Variants in TCERG1L observed in about 807,000 individuals in gnomAD.
TCERG1L encodes the protein transcription elongation regulator 1-like protein.
TCERG1L carries 37 observed loss-of-function variants against 56.3 expected under a neutral mutation model. That is an observed-to-expected ratio of 0.66 (90% CI 0.51 to 0.87). The LOEUF (loss-of-function observed/expected upper bound fraction) is 0.87, where lower values mean the gene tolerates loss of function less well. Among genes scored for constraint, TCERG1L ranks in the 40% least tolerant of loss-of-function variants. TCERG1L has a pLI of 0.00. For missense variants in TCERG1L, 799 were observed against 774.2 expected (o/e 1.03, Z -0.38); for synonymous variants, 324 against 326.3 (o/e 0.99, Z 0.08).
rs2133573343 is a variant in TCERG1L, at chr10:131,291,236, G to A, written c.670+16975C>T. On this transcript the variant is annotated intron_variant, in intron 3 of 11. Coordinates refer to ENST00000368642, the MANE Select transcript of TCERG1L (RefSeq NM_174937.4). ...TAAAATTCATTACATTGACCTATGT[G>A]TAGATTACTATGTCAGTACCACATA... Among the ~76,000 whole-genome samples the A allele has an allele frequency of 1.3e-5, 2 of 151,824 alleles. 1 individual carries two copies. Among genetic ancestry groups the A allele is most frequent in the South Asian group, 4.2e-4 (2 of 4,800 alleles).
chr10:131,225,813 G>A (rs75582870), intron 4 of TCERG1L, among the ~76,000 whole-genome samples: 2 of 152,110 alleles, frequency 1.3e-5, no homozygotes, highest in South Asian at 2.1e-4. Context: ...ATTGGCCTCA[G>A]AAATGCAGTT....
At chr10:131,213,400 TG>T (rs1845636647) in intron 4 of TCERG1L, among the ~76,000 whole-genome samples, 1 of 152,222 alleles carries the variant, frequency 6.6e-6, no homozygotes, top group Non-Finnish European at 1.5e-5. Flanking sequence ...TAAGACTTCA[TG>T]TTATAAAATT....
chr10:131,157,933 T>C (rs1211912743), intron 6 of TCERG1L, among the ~76,000 whole-genome samples: 1 of 152,264 alleles, frequency 6.6e-6, no homozygotes, highest in African/African-American at 2.4e-5. Flanking sequence ...TTTCAATGGT[T>C]ACACTGGCCC....
chr10:131,246,969 T>C (rs1211265977), intron 4 of TCERG1L, among the ~76,000 whole-genome samples: 1 of 151,502 alleles, frequency 6.6e-6, no homozygotes, highest in Non-Finnish European at 1.5e-5. Flanking sequence ...GTGAGATGTG[T>C]AGGGAGGGGA....
At chr10:131,242,006 A>C (rs1346834919) in intron 4 of TCERG1L, among the ~76,000 whole-genome samples, 1 of 152,224 alleles carries the variant, frequency 6.6e-6, no homozygotes, top group Non-Finnish European at 1.5e-5. Flanking sequence ...GAGGGAAAAC[A>C]ATTCAAAGTA....
At chr10:131,259,419 C>T (rs556489115) in intron 4 of TCERG1L, among the ~76,000 whole-genome samples, 2 of 152,148 alleles carry the variant, frequency 1.3e-5, no homozygotes, top group South Asian at 4.2e-4. Context: ...AGAGTAAATC[C>T]TCAGTTCCTG....
At chr10:131,126,135 C>T (rs575118341) in intron 8 of TCERG1L, among the ~76,000 whole-genome samples, 5 of 152,238 alleles carry the variant, frequency 3.3e-5, no homozygotes, top group South Asian at 2.1e-4. Context: ...TCACCTCTTC[C>T]GGGAATCACA....
At chr10:131,237,746 A>G (rs1370406332) in intron 4 of TCERG1L, among the ~76,000 whole-genome samples, 1 of 152,056 alleles carries the variant, frequency 6.6e-6, no homozygotes, top group African/African-American at 2.4e-5. Context: ...GAAAATGTCA[A>G]CTCCATGGTT....
chr10:131,196,469 C>A (rs999877265), intron 4 of TCERG1L, among the ~76,000 whole-genome samples: 9 of 152,256 alleles, frequency 5.9e-5, no homozygotes, highest in Admixed American at 5.9e-4. Flanking sequence ...CTGACACTCA[C>A]AGCCAAGGCC....
At chr10:131,252,258 G>T (rs1413578652) in intron 4 of TCERG1L, among the ~76,000 whole-genome samples, 1 of 152,308 alleles carries the variant, frequency 6.6e-6, no homozygotes, top group South Asian at 2.1e-4. Context: ...TGATTTCAAT[G>T]GGTGAGTCAC....
At chr10:131,281,966 C>T (rs1466618031) in intron 3 of TCERG1L, among the ~76,000 whole-genome samples, 3 of 151,994 alleles carry the variant, frequency 2.0e-5, no homozygotes, top group Non-Finnish European at 4.4e-5. Flanking sequence ...GAAACCCCAT[C>T]TCTACTAAAA....
intron 5 of TCERG1L, 108 bp from the exon 6 acceptor site, chr10:131,163,318 T>C (rs781103647): frequency 2.1e-4 from 183 of 883,062 alleles, no homozygotes; most frequent in Non-Finnish European, 2.6e-4. Flanking sequence ...AGGCAGCTTA[T>C]AGTAGCCACG....
Position 131,311,303 on chromosome 10 carries a change from G to T in TCERG1L, c.333C>A (p.Leu111=). ...GACGGGGACACGTTACCTGCCCGTGGAGCGCGGGGAAGGGGTGCGCGGCGG... is the reference window on the plus strand; with the variant it reads ...GACGGGGACACGTTACCTGCCCGTGTAGCGCGGGGAAGGGGTGCGCGGCGG... ...AAAAAHPFPA[L]HGQWLFGGHS... Residue 111 remains leucine, a synonymous_variant, in exon 1 of 12, where the codon CTC becomes CTA. Transcript: ENST00000368642. This position sits in a 1 kb window ranked among gnomAD's most constrained non-coding sequence, Gnocchi z 4.0. The T allele has an allele frequency of 3.3e-6, 4 of 1,206,344 alleles. No homozygotes were observed. Among genetic ancestry groups the T allele is most frequent in the Non-Finnish European group, 4.1e-6 (4 of 972,044 alleles). The allele number at this position is 1,206,344 out of a possible 1,614,324, so 74.7% of individuals were successfully genotyped here.
intron 10 of TCERG1L, among the ~76,000 whole-genome samples, chr10:131,099,448 G>A (rs1564791451): frequency 1.3e-5 from 2 of 152,282 alleles, no homozygotes; most frequent in East Asian, 1.9e-4. Flanking sequence ...AAGTGTTTAC[G>A]CAAACATAAT....
At chr10:131,247,361 C>T (rs971882401) in intron 4 of TCERG1L, among the ~76,000 whole-genome samples, 1 of 152,204 alleles carries the variant, frequency 6.6e-6, no homozygotes, top group African/African-American at 2.4e-5. Flanking sequence ...TTCCTTTCTA[C>T]CATTATCACA....
intron 3 of TCERG1L, among the ~76,000 whole-genome samples, chr10:131,292,415 G>C (rs1320711639): frequency 6.6e-6 from 1 of 152,180 alleles, no homozygotes; most frequent in African/African-American, 2.4e-5. Context: ...GATTCTTACA[G>C]ATGTTACTGT....
chr10:131,125,787 C>G (rs1015423659), intron 8 of TCERG1L, among the ~76,000 whole-genome samples: 1 of 152,202 alleles, frequency 6.6e-6, no homozygotes, highest in Non-Finnish European at 1.5e-5. Flanking sequence ...TGGCCACCAG[C>G]AAAACCCTGG....
At chr10:131,134,763 C>T (rs1444886769) in intron 7 of TCERG1L, among the ~76,000 whole-genome samples, 1 of 152,144 alleles carries the variant, frequency 6.6e-6, no homozygotes, top group Admixed American at 6.5e-5. Flanking sequence ...CAAGACGAGG[C>T]CTGGGAATGA....
In TCERG1L at chr10:131,092,842, T is replaced by C. The variant is rs1002378354; in HGVS notation, c.*320A>G. On this transcript the variant is annotated 3_prime_UTR_variant, in exon 12 of 12. Coordinates refer to ENST00000368642, the MANE Select transcript of TCERG1L (RefSeq NM_174937.4). ...GATGACACAAATGCCTTGAGATTGT[T>C]ACAGAGGCTCCCGTTCCTGCTTCCC... 17 of 211,956 alleles carry C rather than the reference T, an allele frequency of 8.0e-5. No individual in the cohort carries two copies. In the Admixed American group the frequency reaches 9.6e-4, roughly 12 times the overall value. The allele number at this position is 211,956 out of a possible 1,614,324, so 13.1% of individuals were successfully genotyped here.
Sources: gnomAD v4.1 joint callset for allele counts (sites outside exome capture counted in the v4.1 genomes callset) on GRCh38, gnomAD v4.1.1 for gene constraint, Gnocchi (gnomAD v3.1) non-coding constraint, MANE v1.5 for transcripts, NCBI Gene and HGNC (gene_info 2026-07-23, HGNC 2026-07-21) for gene names.